LIG3: variants seen among roughly 807,000 people sequenced by gnomAD.
LIG3 encodes the protein ligase II, DNA, ATP-dependent.
LIG3 carries 58 observed loss-of-function variants against 110.9 expected under a neutral mutation model. The observed-to-expected ratio is 0.52, with a 90% confidence interval of 0.42 to 0.65. The LOEUF (loss-of-function observed/expected upper bound fraction) is 0.65. Ranked by LOEUF, LIG3 falls within the 30% of genes least tolerant of loss-of-function variation. The probability of loss-of-function intolerance (pLI) is 0.00; values close to 1 mark genes in which losing one functional copy is unlikely to be tolerated. For missense variants in LIG3, 1,094 were observed against 1,273.8 expected (o/e 0.86, Z 2.15); for synonymous variants, 422 against 472.8 (o/e 0.89, Z 1.39).
At chr17:34,989,911 A>G (rs1317255416) in intron 4 of LIG3, 1 of 499,758 alleles carries the variant, frequency 2.0e-6, no homozygotes, top group Non-Finnish European at 3.6e-6. Context: ...CTCTCCCCTT[A>G]TTCTGCTCCT....
rs1201177158 is a variant in LIG3 at position 34,996,170 on chromosome 17, C to G, written c.1718C>G (p.Pro573Arg). Residue 573 changes from proline to arginine, a missense_variant, in exon 10 of 20, where the codon CCC becomes CGC. Pro to Arg is a moderately radical substitution (Grantham distance 103). Transcript: ENST00000378526. Reference sequence around the variant, plus strand: ...GACAACAAGACAGGCAAACCACTGCCCTTTGGGACTCTGGGAGTACACAAG... The same window carrying G: ...GACAACAAGACAGGCAAACCACTGCGCTTTGGGACTCTGGGAGTACACAAG... ...LIDNKTGKPL[P>R]FGTLGVHKKA... The G allele has an allele frequency of 3.1e-6, 5 of 1,614,044 alleles. No homozygotes were observed. Among genetic ancestry groups the G allele is most frequent in the Non-Finnish European group, 3.4e-6 (4 of 1,180,042 alleles).
In LIG3 at chr17:34,980,526, A is replaced by G; in HGVS notation, c.-101A>G. The G allele has an allele frequency of 7.8e-7, 1 of 1,283,358 alleles. No homozygotes were observed. The highest frequency in any genetic ancestry group is 1.0e-6 in the Non-Finnish European group (1 of 984,614). 79.5% of individuals were successfully genotyped at this position (1,283,358 alleles called of 1,614,324 possible). ...CGCTGCCTCCCGCTCTAGGACCCGG[A>G]TTTAAAGAGACAGGCGCTCCAACCG... On this transcript the variant is annotated 5_prime_UTR_variant, in exon 1 of 20. Coordinates refer to ENST00000378526, the MANE Select transcript of LIG3 (RefSeq NM_013975.4).
At position 34,989,590 on chromosome 17, in the gene LIG3, G is replaced by A. The variant is rs746258928; in HGVS notation, c.816G>A (p.Met272Ile). 4 of 1,614,096 alleles carry A rather than the reference G, an allele frequency of 2.5e-6. No homozygotes were observed. In the South Asian group the frequency reaches 4.4e-5, roughly 18 times the overall value. The stretch of plus-strand genomic sequence containing the variant: ...GGGAGTTTCGAAAGTTATGCGCCAT[G>A]GTGGCCGATAATCCTAGCTACAACA... ...LLREFRKLCAMVADNPSYNTK... is the reference protein window; with the variant it reads ...LLREFRKLCAIVADNPSYNTK... Residue 272 changes from methionine (M) to isoleucine (I), a missense_variant, in exon 4 of 20, where the codon ATG becomes ATA. Transcript: ENST00000378526.
chr17:34,991,881 A>G (rs1483096490), intron 6 of LIG3, 44 bp downstream of exon 6: 2 of 1,612,000 alleles, frequency 1.2e-6, no homozygotes, highest in Non-Finnish European at 1.7e-6. Context: ...AGAGAGATGA[A>G]CTCTCTTGGG....
At chr17:34,996,524 C>T in intron 10 of LIG3, 50 bp from the exon 11 acceptor site, 1 of 1,449,302 alleles carries the variant, frequency 6.9e-7, no homozygotes, top group Admixed American at 1.7e-5. Context: ...CTTATTTTTT[C>T]ACACTGACTT....
rs775565470 is a variant in LIG3 at position 35,005,233 on chromosome 17, G to A, written c.*727G>A. ...CTGCATCCCCAAAACCTGGAAACAA[G>A]ACTGTTCTTTAAGAATAAAAATCCA... On this transcript the variant is annotated 3_prime_UTR_variant, in exon 20 of 20. Transcript: ENST00000378526. 2.1e-5 allele frequency: 10 copies of A among 470,050 alleles called. No individual in the cohort carries two copies. In the East Asian group the frequency reaches 6.1e-4, roughly 29 times the overall value. The allele number at this position is 470,050 out of a possible 1,614,324, so 29.1% of individuals were successfully genotyped here.
chr17:34,986,407 C>T (rs548060201), intron 3 of LIG3, among the ~76,000 whole-genome samples: 26 of 152,184 alleles, frequency 1.7e-4, no homozygotes, highest in African/African-American at 5.1e-4. Context: ...CTGCAACCTC[C>T]GCCTCCTGGG....
Position 35,001,186 on chromosome 17 carries a change from T to G in LIG3, c.2332-71T>G, listed in dbSNP as rs3136020. On this transcript the variant is annotated intron_variant, in intron 16 of 19. Transcript: ENST00000378526. Reference sequence around the variant, plus strand: ...CTTCCTAAGTGCTGGGATTACAGGCTTGAGCCACCACGCCCGGCCACTGAT... The same window carrying G: ...CTTCCTAAGTGCTGGGATTACAGGCGTGAGCCACCACGCCCGGCCACTGAT... 7,606 of 1,534,816 alleles carry G rather than the reference T, an allele frequency of 5.0e-3. 327 individuals carry two copies. The African/African-American group carries it at 0.089, about 18-fold the overall frequency.
Position 35,001,343 on chromosome 17 carries a change from C to T in LIG3, c.2418C>T (p.Arg806=). ...ACGGGATCTCCATCCGATTCCCTCG[C>T]TGCACCCGAATCCGAGATGATAAGG... ...TADGISIRFP[R]CTRIRDDKDW... is the part of the protein sequence containing the mutation. Residue 806 remains arginine, a synonymous_variant, in exon 17 of 20, where the codon CGC becomes CGT. Coordinates refer to ENST00000378526, the MANE Select transcript of LIG3 (RefSeq NM_013975.4). The T allele has an allele frequency of 6.2e-7, 1 of 1,614,196 alleles. No homozygotes were observed. The highest frequency in any genetic ancestry group is 8.5e-7 in the Non-Finnish European group (1 of 1,180,024).
chr17:34,986,163 T>C (rs553259698), intron 3 of LIG3, 32 bp downstream of exon 3: 47 of 1,604,626 alleles, frequency 2.9e-5, no homozygotes, highest in Non-Finnish European at 3.7e-5. Context: ...TTAGCTGTTA[T>C]AGTGCTGCTT....
At chr17:34,989,181 T>C (rs550100660) in intron 3 of LIG3, among the ~76,000 whole-genome samples, 1 of 152,234 alleles carries the variant, frequency 6.6e-6, no homozygotes, top group Non-Finnish European at 1.5e-5. Context: ...TCTTTATTCT[T>C]CAGTAAAGTG....
rs1437905611 is a variant in LIG3 at position 35,004,298 on chromosome 17, T to C, written c.2822T>C (p.Val941Ala). 18 of 1,613,906 alleles carry C rather than the reference T, an allele frequency of 1.1e-5. No individual in the cohort carries two copies. The highest frequency in any genetic ancestry group is 1.4e-5 in the Non-Finnish European group (17 of 1,180,002). ...GTATTGCTGGACATCTTCACTGGGG[T>C]GCGGCTTTACTTGCCACCCTCCACA... ...TKVLLDIFTGVRLYLPPSTPD... is the reference protein window; with the variant it reads ...TKVLLDIFTGARLYLPPSTPD... The change falls in exon 20 of 20, where the codon GTG (valine) becomes GCG (alanine). Residue 941 changes from valine to alanine, a missense_variant. Transcript: ENST00000378526.
intron 9 of LIG3, among the ~76,000 whole-genome samples, chr17:34,995,351 T>C (rs532740878): frequency 6.6e-6 from 1 of 152,304 alleles, no homozygotes; most frequent in African/African-American, 2.4e-5. Flanking sequence ...TCAGGAGCTG[T>C]TTCTGGTGAG....
rs3135985 is a variant in LIG3, at chr17:34,992,187, C to G, written c.1286+152C>G. On this transcript the variant is annotated intron_variant, in intron 7 of 19. Transcript: ENST00000378526. Reference sequence around the variant, plus strand: ...GACCCTGATCTGTCACTTGACCTGTCTCTGCCTCCATTTTTTCCCATATAA... The same window carrying G: ...GACCCTGATCTGTCACTTGACCTGTGTCTGCCTCCATTTTTTCCCATATAA... The G allele has an allele frequency of 4.5e-3, 3,215 of 712,102 alleles. 6 individuals are homozygous for G. The highest frequency in any genetic ancestry group is 6.1e-3 in the Non-Finnish European group (2,544 of 416,242). 44.1% of individuals were successfully genotyped at this position (712,102 alleles called of 1,614,324 possible).
At chr17:34,986,490 T>C (rs2090657147) in intron 3 of LIG3, among the ~76,000 whole-genome samples, 1 of 152,004 alleles carries the variant, frequency 6.6e-6, no homozygotes, top group Non-Finnish European at 1.5e-5. Flanking sequence ...CCTGACTAAT[T>C]TTTGTATTTT....
rs1455326819 is a variant in LIG3, at chr17:35,001,325, C to A, written c.2400C>A (p.Ile800=). The stretch of plus-strand genomic sequence containing the variant: ...CGGAGGCTCATACAGCTGACGGGAT[C>A]TCCATCCGATTCCCTCGCTGCACCC... ...SKSEAHTADG[I]SIRFPRCTRI... The change falls in exon 17 of 20, where the codon ATC becomes ATA. Residue 800 remains isoleucine (I), a synonymous_variant. Transcript: ENST00000378526. 6.2e-7 allele frequency: 1 copy of A among 1,614,160 alleles called. No homozygotes were observed. Among genetic ancestry groups the A allele is most frequent in the South Asian group, 1.1e-5 (1 of 91,084 alleles).
rs1304471066 is a variant in LIG3, at chr17:35,005,025, AC to A, written c.*521del. The A allele has an allele frequency of 9.8e-6, 3 of 305,856 alleles. No homozygotes were observed. Among genetic ancestry groups the A allele is most frequent in the Non-Finnish European group, 1.9e-5 (3 of 155,162 alleles). The allele number at this position is 305,856 out of a possible 1,614,324, so 18.9% of individuals were successfully genotyped here. ...GCCTGACACGCTTTGCCAGGAACAA[AC>A]CTCATGTGAAAGAAAACAAAATGAA... On this transcript the variant is annotated 3_prime_UTR_variant, in exon 20 of 20. Coordinates refer to ENST00000378526, the MANE Select transcript of LIG3 (RefSeq NM_013975.4).
At chr17:34,982,036 T>G (rs2090600487) in intron 1 of LIG3, among the ~76,000 whole-genome samples, 2 of 152,228 alleles carry the variant, frequency 1.3e-5, no homozygotes, top group South Asian at 4.1e-4. Context: ...GCTCTTGCTG[T>G]GTGCCCAACT....
In LIG3 at chr17:34,989,489, G is replaced by A. The variant is rs1178276404; in HGVS notation, c.715G>A (p.Ala239Thr). The A allele has an allele frequency of 6.2e-7, 1 of 1,613,994 alleles. No individual in the cohort carries two copies. The highest frequency in any genetic ancestry group is 1.1e-5 in the South Asian group (1 of 91,072). Residue 239 changes from alanine (A) to threonine (T), a missense_variant, in exon 4 of 20, where the codon GCC (alanine) becomes ACC (threonine). Ala to Thr is a moderately conservative substitution (Grantham distance 58). Transcript: ENST00000378526. ...FSAKPNNSGE[A>T]PSSPTPKRSL... The stretch of plus-strand genomic sequence containing the variant: ...AGCCAAGCCCAACAACTCTGGGGAA[G>A]CCCCCTCGAGCCCCACCCCTAAGAG...
Sources: allele counts gnomAD v4.1 joint callset (sites outside exome capture counted in the v4.1 genomes callset), GRCh38; gene constraint gnomAD v4.1.1; transcripts MANE v1.5; gene names NCBI Gene and HGNC (gene_info 2026-07-23, HGNC 2026-07-21).